Variants in CLEC4F observed in about 807,000 individuals in gnomAD.
CLEC4F encodes the protein C-type lectin domain family 4 member F, also known as C-type (calcium dependent, carbohydrate-recognition domain) lectin, superfamily member 13.
In CLEC4F, 45 loss-of-function variants were observed where a neutral mutation model predicts 53.4. The observed-to-expected ratio is 0.84, with a 90% CI of 0.66 to 1.08. The LOEUF is 1.08. Ranked by LOEUF, CLEC4F falls within the 50% of genes least tolerant of loss-of-function variation. The probability of loss-of-function intolerance (pLI) is 0.00; values close to 1 mark genes in which losing one functional copy is unlikely to be tolerated. For missense variants in CLEC4F, 753 were observed against 698.2 expected (o/e 1.08, Z -0.88); for synonymous variants, 245 against 257.5 (o/e 0.95, Z 0.46).
Position 70,819,909 on chromosome 2 carries a change from G to C in CLEC4F, c.62-18C>G. 1 of 1,519,930 alleles carries C rather than the reference G, an allele frequency of 6.6e-7. No individual in the cohort carries two copies. Among genetic ancestry groups the C allele is most frequent in the Non-Finnish European group, 8.9e-7 (1 of 1,122,278 alleles). The allele number at this position is 1,519,930 out of a possible 1,614,324, so 94.2% of individuals were successfully genotyped here. ...GTCCACCTCTGCAGGGGAGAAGGCA[G>C]TGTCCAAGGTGAGAGGGTGCTGTGC... On this transcript the variant is annotated intron_variant, in intron 1 of 6. Transcript: ENST00000272367.
At chr2:70,819,966 C>T in intron 1 of CLEC4F, 75 bp from the exon 2 acceptor site, 1 of 951,086 alleles carries the variant, frequency 1.1e-6, no homozygotes, top group Non-Finnish European at 1.6e-6. Flanking sequence ...GGCTGAGACA[C>T]AGCCTCTCTG....
rs782175794 is a variant in CLEC4F at position 70,812,435 on chromosome 2, C to T, written c.1539+12G>A. On this transcript the variant is annotated intron_variant, in intron 5 of 6. Transcript: ENST00000272367. Reference sequence around the variant, plus strand: ...AATTCCACCAACAACACCCCATGCTCGCAGCTCTGACCTGCTCCTCCTTGG... The same window carrying T: ...AATTCCACCAACAACACCCCATGCTTGCAGCTCTGACCTGCTCCTCCTTGG... 14 of 1,612,494 alleles carry T rather than the reference C, an allele frequency of 8.7e-6. No individual in the cohort carries two copies. Among genetic ancestry groups the T allele is most frequent in the East Asian group, 4.5e-5 (2 of 44,890 alleles).
At chr2:70,809,956 A>G in intron 5 of CLEC4F, 99 bp from the exon 6 acceptor site, 4 of 746,120 alleles carry the variant, frequency 5.4e-6, no homozygotes, top group Non-Finnish European at 7.3e-6. Flanking sequence ...ATAATTATAT[A>G]TGCATATCAA....
At chr2:70,812,343 A>T in intron 5 of CLEC4F, 104 bp downstream of exon 5, 1 of 1,244,656 alleles carries the variant, frequency 8.0e-7, no homozygotes, top group Non-Finnish European at 1.1e-6. Context: ...CAGAGGAGAC[A>T]TGGAGGTCTC....
At position 70,812,439 on chromosome 2, in the gene CLEC4F, G is replaced by T. The variant is rs1553394473; in HGVS notation, c.1539+8C>A. ...CCACCAACAACACCCCATGCTCGCA[G>T]CTCTGACCTGCTCCTCCTTGGAGGC... is the stretch of plus-strand genomic sequence containing the variant. On this transcript the variant is annotated splice_region_variant and intron_variant, in intron 5 of 6. Coordinates refer to ENST00000272367, the MANE Select transcript of CLEC4F (RefSeq NM_173535.3). 1 of 1,613,666 alleles carries T rather than the reference G, an allele frequency of 6.2e-7. No homozygotes were observed.
Position 70,816,249 on chromosome 2 carries a change from C to T in CLEC4F, c.1132G>A (p.Val378Ile). ...GCATTTTTCATATGACCATTTAAGA[C>T]CTGAATCTGGGCATTTAAGGTATTC... is the stretch of plus-strand genomic sequence containing the variant. ...NVNTLNAQIQ[V>I]LNGHMKNASR... Residue 378 changes from valine (V) to isoleucine (I), a missense_variant, in exon 4 of 7, where the codon GTC (valine) becomes ATC (isoleucine). Val to Ile is a conservative substitution (Grantham distance 29, BLOSUM62 3). Coordinates refer to ENST00000272367, the MANE Select transcript of CLEC4F (RefSeq NM_173535.3). The T allele has an allele frequency of 1.2e-6, 2 of 1,614,196 alleles. No homozygotes were observed. The highest frequency in any genetic ancestry group is 8.5e-7 in the Non-Finnish European group (1 of 1,180,040).
intron 4 of CLEC4F, among the ~76,000 whole-genome samples, chr2:70,815,063 G>A (rs938598289): frequency 2.0e-5 from 3 of 152,204 alleles, no homozygotes; most frequent in Non-Finnish European, 2.9e-5. Context: ...AAAGTGGAAC[G>A]TCACTGCTGC....
chr2:70,821,984 C>T (rs1553398131), upstream of CLEC4F, among the ~76,000 whole-genome samples: 1 of 152,044 alleles, frequency 6.6e-6, no homozygotes, highest in Non-Finnish European at 1.5e-5. Context: ...GTCTGGAACT[C>T]CTGGCTTCAA....
Position 70,816,851 on chromosome 2 carries a change from T to G in CLEC4F, c.530A>C (p.Asn177Thr), listed in dbSNP as rs782612206. Residue 177 changes from asparagine (N) to threonine (T), a missense_variant, in exon 4 of 7, where the codon AAT becomes ACT. Coordinates refer to ENST00000272367, the MANE Select transcript of CLEC4F (RefSeq NM_173535.3). ...TTCCTTGAGCCTCTGGATCTCAGCA[T>G]TGGTTCCCTCCAGGGAACTCCTTAA... is the stretch of plus-strand genomic sequence containing the variant. ...QMLRSSLEGT[N>T]AEIQRLKEDL... The G allele has an allele frequency of 6.2e-7, 1 of 1,614,208 alleles. No individual in the cohort carries two copies. Among genetic ancestry groups the G allele is most frequent in the East Asian group, 2.2e-5 (1 of 44,888 alleles).
chr2:70,811,183 G>A (rs782267897), intron 5 of CLEC4F: 2 of 709,952 alleles, frequency 2.8e-6, no homozygotes, highest in Non-Finnish European at 5.1e-6. Context: ...TGTCATTTGA[G>A]TACAAGTATC....
chr2:70,811,117 C>T (rs1349304280), intron 5 of CLEC4F: 16 of 684,274 alleles, frequency 2.3e-5, no homozygotes, highest in South Asian at 1.1e-4. Flanking sequence ...GTCTATAGCA[C>T]GACACTCTTT....
Position 70,812,476 on chromosome 2 carries a change from G to C in CLEC4F, c.1510C>G (p.Leu504Val), listed in dbSNP as rs373253086. ...TCCTCCTTGGAGGCCACAGATGCCA[G>C]ATGGGCTCCCTGGGACACGCAGAAC... ...EQFCVSQGAH[L>V]ASVASKEEQA... Residue 504 changes from leucine to valine, a missense_variant, in exon 5 of 7, where the codon CTG becomes GTG. Leu to Val is a conservative substitution (Grantham distance 32, BLOSUM62 1). Transcript: ENST00000272367. 3.1e-6 allele frequency: 5 copies of C among 1,614,180 alleles called. No homozygotes were observed. The highest frequency in any genetic ancestry group is 4.2e-6 in the Non-Finnish European group (5 of 1,180,034).
intron 2 of CLEC4F, 147 bp downstream of exon 2, chr2:70,819,628 A>AG (rs1350117315): frequency 1.2e-6 from 1 of 819,226 alleles, no homozygotes; most frequent in Non-Finnish European, 2.0e-6. Context: ...ATCTGTTCCC[A>AG]GGGAAGCTGT....
upstream of CLEC4F, among the ~76,000 whole-genome samples, chr2:70,822,196 G>C (rs144027754): frequency 6.6e-5 from 10 of 152,336 alleles, no homozygotes; most frequent in African/African-American, 2.4e-4. Context: ...GTTAGTGTTA[G>C]AATCTGTTTG....
In CLEC4F at chr2:70,819,168, T is replaced by C. The variant is rs188195213; in HGVS notation, c.268+187A>G. Among the ~76,000 whole-genome samples, 117 of 152,256 alleles carry C rather than the reference T, an allele frequency of 7.7e-4. 1 individual carries two copies. The highest frequency in any genetic ancestry group is 1.4e-3 in the Admixed American group (21 of 15,294). The stretch of plus-strand genomic sequence containing the variant: ...ACACATATGTCAAAACTTAACAGAT[T>C]GTATGCTTTAAATATATACACCATT... On this transcript the variant is annotated intron_variant, in intron 3 of 6. Transcript: ENST00000272367.
upstream of CLEC4F, among the ~76,000 whole-genome samples, chr2:70,824,740 C>A (rs575542770): frequency 4.2e-5 from 6 of 142,158 alleles, no homozygotes; most frequent in South Asian, 1.4e-3. Flanking sequence ...AACAAAAAAA[C>A]AAATAAAATA....
In CLEC4F at chr2:70,809,346, ATACT is replaced by A; in HGVS notation, c.1691_1694del (p.Lys564IlefsTer4). On this transcript the variant is annotated frameshift_variant, in exon 7 of 7. Coordinates refer to ENST00000272367, the MANE Select transcript of CLEC4F (RefSeq NM_173535.3). LOFTEE classifies it low-confidence loss of function (END_TRUNC). ...CTCCCATCCCAGAATTCACAATAAT[ATACT>A]TTCTGAGTGGGCAGGATCCCTTGGA... The A allele has an allele frequency of 6.2e-7, 1 of 1,613,298 alleles. No individual in the cohort carries two copies. Among genetic ancestry groups the A allele is most frequent in the Non-Finnish European group, 8.5e-7 (1 of 1,179,736 alleles).
Position 70,816,169 on chromosome 2 carries a change from AG to A in CLEC4F, c.1211del (p.Thr404IlefsTer7). On this transcript the variant is annotated frameshift_variant, in exon 4 of 7. Transcript: ENST00000272367. LOFTEE classifies it high-confidence loss of function. The stretch of plus-strand genomic sequence containing the variant: ...TGCTGTCTAACATCTGGGTCTGGGA[AG>A]TTAAGGCTGAAGCATTCTTCATTCC... Reference protein sequence around the residue: ...KQGMKNASALTSQTQMLDSNL... With the variant: ...KQGMKNASALXSQTQMLDSNL... 1 of 1,614,120 alleles carries A rather than the reference AG, an allele frequency of 6.2e-7. No homozygotes were observed. Among genetic ancestry groups the A allele is most frequent in the African/African-American group, 1.3e-5 (1 of 75,004 alleles).
chr2:70,820,721 T>C (rs1484110091), upstream of CLEC4F: 2 of 535,560 alleles, frequency 3.7e-6, no homozygotes, highest in Non-Finnish European at 6.6e-6. Flanking sequence ...GGCTCCCAGA[T>C]ACCCATCTGC....
Sources: gnomAD v4.1 joint callset for allele counts (sites outside exome capture counted in the v4.1 genomes callset) on GRCh38, gnomAD v4.1.1 for gene constraint, MANE v1.5 for transcripts, NCBI Gene and HGNC (gene_info 2026-07-23, HGNC 2026-07-21) for gene names.